Variants in TCERG1 observed in about 807,000 individuals in gnomAD.
The protein encoded by TCERG1 is transcription elongation regulator 1.
Under a neutral mutation model 144.7 loss-of-function variants are expected in TCERG1, and 37 were observed. The observed-to-expected ratio is 0.26, with a 90% CI of 0.20 to 0.34. The LOEUF (loss-of-function observed/expected upper bound fraction) is 0.34. Ranked by LOEUF, TCERG1 falls within the 10% of genes least tolerant of loss-of-function variation. TCERG1 has a pLI of 1.00. For missense variants in TCERG1, 1,027 were observed against 1,380.7 expected (o/e 0.74, Z 4.06); for synonymous variants, 492 against 458.2 (o/e 1.07, Z -0.94).
chr5:146,453,315 A>G (rs1762520071), intron 1 of TCERG1, among the ~76,000 whole-genome samples: 1 of 152,158 alleles, frequency 6.6e-6, no homozygotes, highest in Non-Finnish European at 1.5e-5. Context: ...TCAAATTTAC[A>G]AAATGTCGCA....
intron 2 of TCERG1, among the ~76,000 whole-genome samples, chr5:146,455,938 G>A (rs756924240): frequency 6.6e-6 from 1 of 152,188 alleles, no homozygotes; most frequent in Non-Finnish European, 1.5e-5. Context: ...ACTCTCAAAT[G>A]TCTCATTTTG....
chr5:146,470,121 T>C (rs1043721027), intron 7 of TCERG1, among the ~76,000 whole-genome samples: 2 of 152,246 alleles, frequency 1.3e-5, no homozygotes, highest in Admixed American at 6.5e-5. Flanking sequence ...CTTAGGGTCT[T>C]AGATGTAGAA....
intron 17 of TCERG1, chr5:146,499,981 ATT>A (rs1561699611): frequency 6.6e-6 from 1 of 152,150 alleles, no homozygotes; most frequent in East Asian, 1.9e-4. Flanking sequence ...GGTACTTTAC[ATT>A]TTTTTAGTCT....
chr5:146,496,498 C>T (rs1284911932), intron 16 of TCERG1, among the ~76,000 whole-genome samples: 3 of 152,012 alleles, frequency 2.0e-5, no homozygotes, highest in Non-Finnish European at 4.4e-5. Context: ...ACTCCTTATT[C>T]AATTGTCAAC....
At chr5:146,458,853 A>G in intron 3 of TCERG1, 31 bp from the exon 4 acceptor site, 6 of 1,571,288 alleles carry the variant, frequency 3.8e-6, no homozygotes, top group Non-Finnish European at 5.2e-6. Flanking sequence ...GACAGATTTT[A>G]TGATACCATT....
chr5:146,498,819 C>CT, intron 17 of TCERG1, 133 bp downstream of exon 17: 2 of 930,452 alleles, frequency 2.1e-6, no homozygotes, highest in Non-Finnish European at 2.9e-6. Flanking sequence ...TTTAAGTTAA[C>CT]TTTTATAATT....
chr5:146,495,951 G>T (rs955638553), intron 16 of TCERG1, among the ~76,000 whole-genome samples: 2 of 152,074 alleles, frequency 1.3e-5, no homozygotes, highest in Admixed American at 6.5e-5. Context: ...TCAGGAGTTT[G>T]AGACCAGCCT....
chr5:146,485,784 C>G (rs889030352), intron 15 of TCERG1, among the ~76,000 whole-genome samples: 6 of 152,108 alleles, frequency 3.9e-5, no homozygotes, highest in Non-Finnish European at 7.4e-5. Flanking sequence ...GCCTCTGCCT[C>G]TCAGGGTTCA....
intron 9 of TCERG1, among the ~76,000 whole-genome samples, chr5:146,473,018 C>A (rs1764490479): frequency 6.6e-6 from 1 of 152,052 alleles, no homozygotes. Flanking sequence ...CAGCTACATA[C>A]CTCTCACTTT....
Position 146,472,777 on chromosome 5 carries a change from G to A in TCERG1, c.1601+1201G>A, listed in dbSNP as rs182519171. The stretch of plus-strand genomic sequence containing the variant: ...CGCCCAGGCTGGAGTGCAGTGGTGC[G>A]ATCTTGGTTCACTGCAACTTCCGCC... On this transcript the variant is annotated intron_variant, in intron 9 of 22. Coordinates refer to ENST00000679501, the MANE Select transcript of TCERG1 (RefSeq NM_001382548.1). Among the ~76,000 whole-genome samples the A allele has an allele frequency of 1.5e-4, 22 of 151,334 alleles. No homozygotes were observed. The East Asian group carries it at 3.4e-3, about 24-fold the overall frequency.
intron 1 of TCERG1, among the ~76,000 whole-genome samples, chr5:146,453,092 T>A (rs1195123475): frequency 6.6e-6 from 1 of 152,202 alleles, no homozygotes; most frequent in Non-Finnish European, 1.5e-5. Context: ...AATAATTCTC[T>A]TTACAAAAGC....
At chr5:146,456,082 G>T (rs79939222) in intron 2 of TCERG1, among the ~76,000 whole-genome samples, 2,787 of 152,240 alleles carry the variant, frequency 0.018, 90 homozygotes, top group African/African-American at 0.063. Flanking sequence ...ACTAAAAATG[G>T]AAGAAGACAA....
rs1491317327 is a variant in TCERG1, at chr5:146,447,346, T to TGTAATGGCGGAGCGTGGCGGGGAC, written c.-2_22dup. 6.2e-7 allele frequency: 1 copy of TGTAATGGCGGAGCGTGGCGGGGAC among 1,611,888 alleles called. No individual in the cohort carries two copies. The highest frequency in any genetic ancestry group is 1.7e-4 in the Middle Eastern group (1 of 6,056). On this transcript the variant is annotated 5_prime_UTR_variant, in exon 1 of 23. The change creates a new upstream start codon in the 5' untranslated region. Coordinates refer to ENST00000679501, the MANE Select transcript of TCERG1 (RefSeq NM_001382548.1). ...CGGCGGGTGGATGAACGCGGCCCTC[T>TGTAATGGCGGAGCGTGGCGGGGAC]GTAATGGCGGAGCGTGGCGGGGACG...
chr5:146,463,461 A>C, intron 4 of TCERG1, 90 bp from the exon 5 acceptor site: 1 of 1,565,750 alleles, frequency 6.4e-7, no homozygotes, highest in Admixed American at 1.7e-5. Flanking sequence ...TCCCTTAAAT[A>C]CTTAAATTAC....
Position 146,478,666 on chromosome 5 carries a change from T to C in TCERG1, c.1762+13T>C, listed in dbSNP as rs1765066287. The C allele has an allele frequency of 1.3e-6, 2 of 1,562,228 alleles. No individual in the cohort carries two copies. The highest frequency in any genetic ancestry group is 3.4e-4 in the Middle Eastern group (2 of 5,800). On this transcript the variant is annotated intron_variant, in intron 10 of 22. Coordinates refer to ENST00000679501, the MANE Select transcript of TCERG1 (RefSeq NM_001382548.1). ...TTGAAGAAACTAAGTAAGTTTTAAATTAGGAATTTATCCACTGATTTTAAC... is the reference window on the plus strand; with the variant it reads ...TTGAAGAAACTAAGTAAGTTTTAAACTAGGAATTTATCCACTGATTTTAAC...
At chr5:146,471,054 G>A (rs1365167164) in intron 8 of TCERG1, among the ~76,000 whole-genome samples, 1 of 152,190 alleles carries the variant, frequency 6.6e-6, no homozygotes, top group Admixed American at 6.5e-5. Context: ...CTTACTTGGG[G>A]AATGTTAGAT....
chr5:146,469,392 T>C, intron 6 of TCERG1, 152 bp from the exon 7 acceptor site: 1 of 583,294 alleles, frequency 1.7e-6, no homozygotes, highest in Non-Finnish European at 2.7e-6. Flanking sequence ...TAAGTGGTAT[T>C]TTTATGTCAC....
intron 5 of TCERG1, among the ~76,000 whole-genome samples, chr5:146,466,162 A>C (rs1763769668): frequency 6.6e-6 from 1 of 152,240 alleles, no homozygotes; most frequent in Non-Finnish European, 1.5e-5. Context: ...AAGGACAAAG[A>C]AGACTTGTTT....
chr5:146,448,461 T>G lies in TCERG1; in HGVS notation c.59+1053T>G, dbSNP rs1008643787. On this transcript the variant is annotated intron_variant, in intron 1 of 22. Transcript: ENST00000679501. ...ATTATGCTTTATGTGTATTTGGTAC[T>G]TTGGTTTTTTTCTGTATGGGAGAAA... Among the ~76,000 whole-genome samples the G allele has an allele frequency of 3.9e-5, 6 of 152,340 alleles. No individual in the cohort carries two copies. In the East Asian group the frequency reaches 1.2e-3, roughly 29 times the overall value.
Sources: gnomAD v4.1 joint callset for allele counts (sites outside exome capture counted in the v4.1 genomes callset) on GRCh38, gnomAD v4.1.1 for gene constraint, MANE v1.5 for transcripts, NCBI Gene and HGNC (gene_info 2026-07-23, HGNC 2026-07-21) for gene names.